TNFAIP2: variants seen among roughly 807,000 people sequenced by gnomAD.
The protein encoded by TNFAIP2 is tumor necrosis factor alpha-induced protein 2.
A neutral mutation model predicts 63.5 loss-of-function variants in TNFAIP2; 47 were observed. The ratio of observed to expected loss-of-function variants is 0.74; its 90% CI spans 0.59 to 0.94. The LOEUF is 0.94. Among genes scored for constraint, TNFAIP2 ranks in the 40% least tolerant of loss-of-function variants. TNFAIP2 has a pLI of 0.00. For missense variants in TNFAIP2, 787 were observed against 850.2 expected (o/e 0.93, Z 0.92); for synonymous variants, 405 against 390.2 (o/e 1.04, Z -0.45).
chr14:103,130,984 C>CA, intron 6 of TNFAIP2, 68 bp from the exon 7 acceptor site: 1 of 1,520,966 alleles, frequency 6.6e-7, no homozygotes, highest in South Asian at 1.1e-5. Context: ...GCAGGGAGGG[C>CA]AGGGAGGCTG....
intron 11 of TNFAIP2, among the ~76,000 whole-genome samples, chr14:103,134,789 C>G (rs998889458): frequency 6.6e-6 from 1 of 152,182 alleles, no homozygotes; most frequent in Non-Finnish European, 1.5e-5. Context: ...CTCAGTCCTC[C>G]CTTAAGTAGC....
At position 103,132,784 on chromosome 14, in the gene TNFAIP2, C is replaced by T. The variant is rs533232691; in HGVS notation, c.1457C>T (p.Ala486Val). Residue 486 changes from alanine (A) to valine (V), a missense_variant, in exon 9 of 12, where the codon GCG becomes GTG. Physicochemically the swap from Ala to Val is moderately conservative, Grantham distance 64. Coordinates refer to ENST00000560869, the MANE Select transcript of TNFAIP2 (RefSeq NM_006291.4). ...AAGAGGTTCACGCACACCCGCTGGG[C>T]GGCCCCTGTGGAGACCCTGGAAAAC... The part of the protein sequence containing the change: ...LFKRFTHTRW[A>V]APVETLENII... The T allele has an allele frequency of 1.4e-5, 22 of 1,613,764 alleles. No individual in the cohort carries two copies. The South Asian group carries it at 1.6e-4, about 12-fold the overall frequency.
chr14:103,133,894 G>T (rs936355736), intron 11 of TNFAIP2, 91 bp downstream of exon 11: 18 of 1,461,384 alleles, frequency 1.2e-5, no homozygotes, highest in Non-Finnish European at 1.5e-5. Flanking sequence ...CCTGGCAGCT[G>T]CCCACGTGCC....
In TNFAIP2 at chr14:103,129,776, G is replaced by A. The variant is rs760678100; in HGVS notation, c.897G>A (p.Leu299=). The A allele has an allele frequency of 1.9e-6, 3 of 1,614,024 alleles. No individual in the cohort carries two copies. The South Asian group carries it at 3.3e-5, about 18-fold the overall frequency. ...ACAGCCCCAAGCTGGTGGGTGAGCT[G>A]CAGGGTATGGGGCTCGGGAGCCTCC... ...IINSPKLVGE[L]QGMGLGSLLP... Residue 299 remains leucine (L), a synonymous_variant, in exon 4 of 12, where the codon CTG becomes CTA. Transcript: ENST00000560869.
chr14:103,132,661 GTGTGTC>G (rs2088000832), intron 8 of TNFAIP2, 83 bp from the exon 9 acceptor site: 7 of 1,525,286 alleles, frequency 4.6e-6, no homozygotes, highest in African/African-American at 3.0e-5. Flanking sequence ...ATGTGTCGGT[GTGTGTC>G]TGTGTCTGCG....
In TNFAIP2 at chr14:103,133,342, C is replaced by T. The variant is rs756304332; in HGVS notation, c.1546-20C>T. On this transcript the variant is annotated intron_variant, in intron 9 of 11. Transcript: ENST00000560869. ...CCATCAGCAGACAGCTCACACGCCC[C>T]TGGCTGCTTGCCCTCCCAGGAGCTC... 1.9e-6 allele frequency: 3 copies of T among 1,610,842 alleles called. 1 individual carries two copies. The South Asian group carries it at 3.3e-5, about 18-fold the overall frequency.
chr14:103,123,260 G>A (rs1445904049), upstream of TNFAIP2, among the ~76,000 whole-genome samples: 1 of 151,952 alleles, frequency 6.6e-6, no homozygotes, highest in Non-Finnish European at 1.5e-5. Context: ...GCTGCTGGGA[G>A]GAAGTGACAG....
chr14:103,125,000 T>A (rs935411413), intron 1 of TNFAIP2, among the ~76,000 whole-genome samples: 4 of 151,158 alleles, frequency 2.6e-5, no homozygotes, highest in African/African-American at 9.7e-5. Flanking sequence ...ATGGGAAGAG[T>A]CGGATGGGCC....
chr14:103,135,743 G>A lies in TNFAIP2; in HGVS notation c.*383G>A. 2.4e-6 allele frequency: 3 copies of A among 1,260,940 alleles called. No individual in the cohort carries two copies. The highest frequency in any genetic ancestry group is 3.1e-6 in the Non-Finnish European group (3 of 978,842). The allele number at this position is 1,260,940 out of a possible 1,614,324, so 78.1% of individuals were successfully genotyped here. A position where few individuals can be genotyped will look rare whatever the true frequency, so the allele number is the denominator to read the frequency against. ...CCTCATGACTGTCCTCCTCGTGGGT[G>A]GGGCCGAGGGCCCTCTTCAGCTCTC... is the stretch of plus-strand genomic sequence containing the variant. On this transcript the variant is annotated 3_prime_UTR_variant, in exon 12 of 12. Transcript: ENST00000560869. This position sits in a 1 kb window ranked among gnomAD's most constrained non-coding sequence, Gnocchi z 7.6.
intron 3 of TNFAIP2, 105 bp from the exon 4 acceptor site, chr14:103,129,635 G>T: frequency 1.0e-6 from 1 of 971,736 alleles, no homozygotes; most frequent in Non-Finnish European, 1.6e-6. Flanking sequence ...GGTGTGCTGG[G>T]CAGTCTGGGC....
rs1210828255 is a variant in TNFAIP2, at chr14:103,135,617, C to T, written c.*257C>T. On this transcript the variant is annotated 3_prime_UTR_variant, in exon 12 of 12. Transcript: ENST00000560869. This position sits in a 1 kb window ranked among gnomAD's most constrained non-coding sequence, Gnocchi z 7.6. ...GGCAACACCAAGGACTCTTTGTAAA[C>T]GATAGCTGATCGTGTGCACGCAAGG... 3.1e-5 allele frequency: 42 copies of T among 1,371,488 alleles called. No homozygotes were observed. The highest frequency in any genetic ancestry group is 2.7e-4 in the Middle Eastern group (1 of 3,764). 85.0% of individuals were successfully genotyped at this position (1,371,488 alleles called of 1,614,324 possible).
chr14:103,126,936 T>C, intron 2 of TNFAIP2, 69 bp from the exon 3 acceptor site: 1 of 1,330,760 alleles, frequency 7.5e-7, no homozygotes, highest in Non-Finnish European at 9.6e-7. Flanking sequence ...ACGGTCCCGC[T>C]TGGCGCTGGC....
rs2087947816 is a variant in TNFAIP2 at position 103,130,355 on chromosome 14, TGGACTTGGGCTCACAGATAAAGCG to T, written c.1142_1165del (p.Asp381_Arg388del). ...CAGGCCAAGGCCGAGAGCATCACGC[TGGACTTGGGCTCACAGATAAAGCG>T]GGTGCTGCTGGTGGAGCTGCCTGCG... On this transcript the variant is annotated inframe_deletion, in exon 6 of 12. Coordinates refer to ENST00000560869, the MANE Select transcript of TNFAIP2 (RefSeq NM_006291.4). 1 of 1,569,246 alleles carries T rather than the reference TGGACTTGGGCTCACAGATAAAGCG, an allele frequency of 6.4e-7. No homozygotes were observed. The highest frequency in any genetic ancestry group is 1.3e-5 in the African/African-American group (1 of 74,084).
At chr14:103,123,098 C>T, upstream of TNFAIP2, 1 of 252,212 alleles carries the variant, frequency 4.0e-6, no homozygotes, top group African/African-American at 2.3e-5. Context: ...CGGTGTGTGA[C>T]GCGGGAACGC....
intron 1 of TNFAIP2, among the ~76,000 whole-genome samples, chr14:103,125,537 G>A: frequency 6.6e-6 from 1 of 152,224 alleles, no homozygotes; most frequent in East Asian, 1.9e-4. Context: ...GAAACTGGAA[G>A]CCTTTGTGAT....
At chr14:103,133,124 G>T (rs552055353) in intron 9 of TNFAIP2, among the ~76,000 whole-genome samples, 1 of 148,448 alleles carries the variant, frequency 6.7e-6, no homozygotes, top group African/African-American at 2.5e-5. Flanking sequence ...ATGAACACAC[G>T]TGAAGGCACG....
upstream of TNFAIP2, chr14:103,122,513 G>A: frequency 2.6e-6 from 1 of 377,752 alleles, no homozygotes; most frequent in Non-Finnish European, 5.4e-6. Context: ...AGCCTAGAGT[G>A]TGAAATAAGG....
At position 103,127,655 on chromosome 14, in the gene TNFAIP2, G is replaced by A. The variant is rs1484476422; in HGVS notation, c.860+26G>A. On this transcript the variant is annotated intron_variant, in intron 3 of 11. Coordinates refer to ENST00000560869, the MANE Select transcript of TNFAIP2 (RefSeq NM_006291.4). This position sits in a 1 kb window ranked among gnomAD's most constrained non-coding sequence, Gnocchi z 5.1. The stretch of plus-strand genomic sequence containing the variant: ...GTGAGCAGACCAGGGGCTGGGCCCG[G>A]GCCGGCAGGGAGGGTGTCCTCTGTA... 2 of 1,441,722 alleles carry A rather than the reference G, an allele frequency of 1.4e-6. No individual in the cohort carries two copies. Among genetic ancestry groups the A allele is most frequent in the Non-Finnish European group, 1.8e-6 (2 of 1,095,336 alleles). 89.3% of individuals were successfully genotyped at this position (1,441,722 alleles called of 1,614,324 possible).
At position 103,127,685 on chromosome 14, in the gene TNFAIP2, G is replaced by A; in HGVS notation, c.860+56G>A. The A allele has an allele frequency of 7.1e-7, 1 of 1,398,958 alleles. No homozygotes were observed. Among genetic ancestry groups the A allele is most frequent in the Non-Finnish European group, 9.3e-7 (1 of 1,073,852 alleles). 86.7% of individuals were successfully genotyped at this position (1,398,958 alleles called of 1,614,324 possible). On this transcript the variant is annotated intron_variant, in intron 3 of 11. Coordinates refer to ENST00000560869, the MANE Select transcript of TNFAIP2 (RefSeq NM_006291.4). This position sits in a 1 kb window ranked among gnomAD's most constrained non-coding sequence, Gnocchi z 5.1. Reference sequence around the variant, plus strand: ...GCAGGGAGGGTGTCCTCTGTAGGAGGGGTGTCGAGGGGTGTCGAGGTGTGC... The same window carrying A: ...GCAGGGAGGGTGTCCTCTGTAGGAGAGGTGTCGAGGGGTGTCGAGGTGTGC...
Sources: gnomAD v4.1 joint callset for allele counts (sites outside exome capture counted in the v4.1 genomes callset) on GRCh38, gnomAD v4.1.1 for gene constraint, Gnocchi (gnomAD v3.1) non-coding constraint, MANE v1.5 for transcripts, NCBI Gene and HGNC (gene_info 2026-07-23, HGNC 2026-07-21) for gene names.